TCF4: variants seen among roughly 807,000 people sequenced by gnomAD.
TCF4 encodes transcription factor 4, also known as SL3-3 enhancer factor 2.
Under a neutral mutation model 82.1 loss-of-function variants are expected in TCF4, and 3 were observed. The ratio of observed to expected loss-of-function variants is 0.04; its 90% CI spans 0.02 to 0.09. The LOEUF is 0.09. TCF4 is among the 10% of genes least tolerant of loss of function. TCF4 has a pLI of 1.00. For synonymous variants in TCF4, 276 were observed against 309.6 expected, an observed-to-expected ratio of 0.89 and a Z score of 1.14; for missense variants, 518 against 852.7, an observed-to-expected ratio of 0.61 and a Z score of 4.89.
chr18:55,505,579 C>T (rs1473751626), intron 3 of TCF4, among the ~76,000 whole-genome samples: 1 of 151,598 alleles, frequency 6.6e-6, no homozygotes, highest in Non-Finnish European at 1.5e-5. Context: ...CCGAGGCGGG[C>T]GGATCACGAG....
chr18:55,411,098 T>C (rs1484360135), intron 5 of TCF4, among the ~76,000 whole-genome samples: 1 of 152,198 alleles, frequency 6.6e-6, no homozygotes, highest in East Asian at 1.9e-4. Context: ...TTAATCAACA[T>C]AATCATGGGG....
chr18:55,329,545 G>A (rs117010474), intron 8 of TCF4, among the ~76,000 whole-genome samples: 138 of 152,236 alleles, frequency 9.1e-4, no homozygotes, highest in Non-Finnish European at 1.8e-3. Flanking sequence ...CTTTTATTGA[G>A]CATAAACAGT....
At chr18:55,340,303 A>G (rs2079599953) in intron 8 of TCF4, among the ~76,000 whole-genome samples, 1 of 152,138 alleles carries the variant, frequency 6.6e-6, no homozygotes. Context: ...AGTATTTCCA[A>G]CACAAACTTT....
In TCF4 at chr18:55,633,762, T is replaced by C. The variant is rs2097733599; in HGVS notation, c.195+1941A>G. Among the ~76,000 whole-genome samples the C allele has an allele frequency of 6.6e-6, 1 of 152,084 alleles. No individual in the cohort carries two copies. Among genetic ancestry groups the C allele is most frequent in the South Asian group, 2.1e-4 (1 of 4,828 alleles). ...AGCATACTTAATGACAATACTTAAA[T>C]GAATAGGTATGTCTCGGTTAAGCCC... On this transcript the variant is annotated intron_variant, in intron 1 of 20. Coordinates refer to the TCF4 transcript ENST00000398339. The surrounding 1 kb of genome is among the most constrained non-coding windows in gnomAD (Gnocchi z 4.0).
At chr18:55,241,577 A>G (rs1252333146) in intron 15 of TCF4, among the ~76,000 whole-genome samples, 1 of 152,246 alleles carries the variant, frequency 6.6e-6, no homozygotes, top group Non-Finnish European at 1.5e-5. Flanking sequence ...CATACCTGTG[A>G]GAGTGCACAG....
chr18:55,401,599 A>G, intron 6 of TCF4: 1 of 989,336 alleles, frequency 1.0e-6, no homozygotes, highest in Non-Finnish European at 1.2e-6. Context: ...GGAAAAAAAA[A>G]AAAATTAACT....
chr18:55,245,082 C>A lies in TCF4; in HGVS notation c.1350+9415G>T, dbSNP rs145426770. On this transcript the variant is annotated intron_variant, in intron 15 of 19. Transcript: ENST00000354452. ...ATATAGAGGAAGCTATAATTATGCACAACTGTGAATGTCAACCAAATAGGT... is the reference window on the plus strand; with the variant it reads ...ATATAGAGGAAGCTATAATTATGCAAAACTGTGAATGTCAACCAAATAGGT... Among the ~76,000 whole-genome samples, 17 of 152,272 alleles carry A rather than the reference C, an allele frequency of 1.1e-4. 1 individual carries two copies. The highest frequency in any genetic ancestry group is 1.1e-3 in the Admixed American group (17 of 15,290).
At chr18:55,389,240 T>A (rs2092870731) in intron 6 of TCF4, among the ~76,000 whole-genome samples, 1 of 152,174 alleles carries the variant, frequency 6.6e-6, no homozygotes, top group Admixed American at 6.5e-5. Flanking sequence ...CACATACAAT[T>A]TCTTACTATT....
intron 3 of TCF4, among the ~76,000 whole-genome samples, chr18:55,576,406 G>C (rs992488378): frequency 6.6e-6 from 1 of 152,116 alleles, no homozygotes; most frequent in Non-Finnish European, 1.5e-5. Context: ...TAACACCCCC[G>C]AGTGAAACGC....
At chr18:55,589,850 T>A (rs773506168), upstream of TCF4, 3 of 1,001,252 alleles carry the variant, frequency 3.0e-6, no homozygotes, top group Non-Finnish European at 3.6e-6. Flanking sequence ...AGACAATGAC[T>A]GGGAAGGGGC....
At chr18:55,586,780 G>GTC in intron 2 of TCF4, 1 of 452,564 alleles carries the variant, frequency 2.2e-6, no homozygotes. Flanking sequence ...TTCCACTGGG[G>GTC]TGAGATTCCA....
intron 6 of TCF4, among the ~76,000 whole-genome samples, chr18:55,392,757 T>C (rs187068875): frequency 1.3e-3 from 198 of 152,302 alleles, no homozygotes; most frequent in Admixed American, 2.3e-3. Context: ...TATAACAGTG[T>C]GTGTGTGTGT....
intron 3 of TCF4, among the ~76,000 whole-genome samples, chr18:55,573,298 CAAAA>C (rs34330994): frequency 9.3e-6 from 1 of 106,980 alleles, no homozygotes. Context: ...GAAGTTTCAC[CAAAA>C]AAAAAAAAAA....
chr18:55,305,268 C>T (rs2069885902), intron 8 of TCF4, among the ~76,000 whole-genome samples: 1 of 152,128 alleles, frequency 6.6e-6, no homozygotes, highest in Admixed American at 6.5e-5. Context: ...ATTTCTCTTT[C>T]TGTCAACTGG....
intron 8 of TCF4, chr18:55,332,232 G>A (rs1047964691): frequency 6.6e-6 from 1 of 151,880 alleles, no homozygotes; most frequent in Admixed American, 6.6e-5. Flanking sequence ...GAAGAAACAG[G>A]TGCTTTCCAT....
chr18:55,420,729 C>T (rs1442579685), intron 5 of TCF4, among the ~76,000 whole-genome samples: 5 of 152,070 alleles, frequency 3.3e-5, no homozygotes, highest in Admixed American at 3.3e-4. Context: ...CCTGCTTTTT[C>T]ACTTCTGCCA....
At chr18:55,604,475 G>A (rs1303362324) in intron 2 of TCF4, among the ~76,000 whole-genome samples, 1 of 152,136 alleles carries the variant, frequency 6.6e-6, no homozygotes, top group Non-Finnish European at 1.5e-5. Context: ...GAGTGCAAGA[G>A]GCCTGCTTGG....
chr18:55,324,199 G>A lies in TCF4; in HGVS notation c.549+26160C>T, dbSNP rs760379967. ...CTGGGCTTCATTGCCTAATGGAAAC[G>A]AGTCTAAGATTTCAAAAGCACAAAT... is the stretch of plus-strand genomic sequence containing the variant. On this transcript the variant is annotated intron_variant, in intron 8 of 19. Transcript: ENST00000354452. Among the ~76,000 whole-genome samples the A allele has an allele frequency of 2.0e-5, 3 of 152,294 alleles. No homozygotes were observed. In the South Asian group the frequency reaches 6.2e-4, roughly 32 times the overall value.
At chr18:55,383,038 T>G (rs1164045230) in intron 6 of TCF4, among the ~76,000 whole-genome samples, 1 of 152,244 alleles carries the variant, frequency 6.6e-6, no homozygotes, top group Non-Finnish European at 1.5e-5. Flanking sequence ...CAGAACATTC[T>G]GCTGAATTCA....
Sources: allele counts gnomAD v4.1 joint callset (sites outside exome capture counted in the v4.1 genomes callset), GRCh38; gene constraint gnomAD v4.1.1; non-coding constraint Gnocchi (gnomAD v3.1); transcripts MANE v1.5; gene names NCBI Gene and HGNC (gene_info 2026-07-23, HGNC 2026-07-21).